SF3A1: variants seen among roughly 807,000 people sequenced by gnomAD.
The protein encoded by SF3A1 is splicing factor 3a subunit 1.
SF3A1 carries 13 observed loss-of-function variants against 89.9 expected under a neutral mutation model. The observed-to-expected ratio is 0.14, with a 90% CI of 0.09 to 0.23. SF3A1 has a LOEUF of 0.23. Ranked by LOEUF, SF3A1 falls within the 10% of genes least tolerant of loss-of-function variation. The pLI, the probability that SF3A1 is intolerant of heterozygous loss-of-function variation, is 1.00. For synonymous variants in SF3A1, 405 were observed against 374.4 expected, an observed-to-expected ratio of 1.08 and a Z score of -0.94; for missense variants, 604 against 1,022.1, an observed-to-expected ratio of 0.59 and a Z score of 5.58.
chr22:30,353,762 A>G (rs796102826), intron 1 of SF3A1, among the ~76,000 whole-genome samples: 1 of 152,046 alleles, frequency 6.6e-6, no homozygotes, highest in African/African-American at 2.4e-5. Flanking sequence ...ACGCTCCCGG[A>G]TGAATAAAAA....
rs984693773 is a variant in SF3A1, at chr22:30,340,460, T to C, written c.1190-79A>G. The C allele has an allele frequency of 4.3e-6, 6 of 1,402,820 alleles. No homozygotes were observed. In the South Asian group the frequency reaches 7.1e-5, roughly 17 times the overall value. The allele number at this position is 1,402,820 out of a possible 1,614,324, so 86.9% of individuals were successfully genotyped here. On this transcript the variant is annotated intron_variant, in intron 8 of 15. Transcript: ENST00000215793. ...AAGAGGGTGGTATTTCATGCGTGCA[T>C]CATTCATCAAGGCATCTATTCAGTG...
intron 2 of SF3A1, among the ~76,000 whole-genome samples, chr22:30,347,451 G>C (rs1279607932): frequency 6.6e-6 from 1 of 152,180 alleles, no homozygotes; most frequent in Non-Finnish European, 1.5e-5. Flanking sequence ...ACCTTCAGAT[G>C]ACAGGGGTGT....
chr22:30,338,458 C>CAAAAAAAAAAAA (rs11442423), intron 11 of SF3A1, among the ~76,000 whole-genome samples: 1 of 119,872 alleles, frequency 8.3e-6, no homozygotes. Context: ...AACTTCATCT[C>CAAAAAAAAAAAA]AAAAAAAAAA....
chr22:30,342,782 G>C lies in SF3A1; in HGVS notation c.726+23C>G, dbSNP rs759963887. On this transcript the variant is annotated intron_variant, in intron 5 of 15. Coordinates refer to ENST00000215793, the MANE Select transcript of SF3A1 (RefSeq NM_005877.6). ...CAGAACCAACCACCAGTAACTGGTT[G>C]CAAGAAATGCTATTCAGTTTACCTG... 5 of 1,487,096 alleles carry C rather than the reference G, an allele frequency of 3.4e-6. No homozygotes were observed. In the East Asian group the frequency reaches 6.8e-5, roughly 20 times the overall value. 92.1% of individuals were successfully genotyped at this position (1,487,096 alleles called of 1,614,324 possible).
At chr22:30,353,536 A>G (rs949075774) in intron 1 of SF3A1, among the ~76,000 whole-genome samples, 2 of 152,218 alleles carry the variant, frequency 1.3e-5, no homozygotes, top group African/African-American at 4.8e-5. Context: ...CCCCTGACCA[A>G]AACTACTGGT....
At chr22:30,344,473 T>C (rs1931357087) in intron 4 of SF3A1, among the ~76,000 whole-genome samples, 1 of 152,232 alleles carries the variant, frequency 6.6e-6, no homozygotes, top group Non-Finnish European at 1.5e-5. Flanking sequence ...ACTTACTAGC[T>C]GACAGACCTT....
At chr22:30,349,492 G>T (rs981472317) in intron 2 of SF3A1, among the ~76,000 whole-genome samples, 4 of 152,058 alleles carry the variant, frequency 2.6e-5, no homozygotes, top group Admixed American at 2.0e-4. Flanking sequence ...ATGCTGGCCA[G>T]GCTGGTCTTG....
rs529683412 is a variant in SF3A1, at chr22:30,341,302, G to T, written c.1071+390C>A. Among the ~76,000 whole-genome samples the T allele has an allele frequency of 3.9e-5, 6 of 152,302 alleles. No individual in the cohort carries two copies. In the East Asian group the frequency reaches 9.6e-4, roughly 24 times the overall value. ...CCTGCTTAGAGGGCCTGGCTTGAAGGGGGTAGGGATGCCTGAAAGGAAGCG... is the reference window on the plus strand; with the variant it reads ...CCTGCTTAGAGGGCCTGGCTTGAAGTGGGTAGGGATGCCTGAAAGGAAGCG... On this transcript the variant is annotated intron_variant, in intron 7 of 15. Transcript: ENST00000215793.
chr22:30,337,829 A>G lies in SF3A1; in HGVS notation c.1812T>C (p.Ser604=). Residue 604 remains serine (S), a synonymous_variant, in exon 12 of 16, where the codon TCT becomes TCC. Transcript: ENST00000215793. The part of the protein sequence containing the change: ...VPVMPRPPMA[S]VVRLPPGSVI... The stretch of plus-strand genomic sequence containing the variant: ...CTGAGCCTGGGGGCAGCCGGACCAC[A>G]GATGCCATTGGGGGCCGGGGCATGA... The G allele has an allele frequency of 1.2e-6, 2 of 1,607,674 alleles. No individual in the cohort carries two copies. Among genetic ancestry groups the G allele is most frequent in the Non-Finnish European group, 1.7e-6 (2 of 1,177,606 alleles).
intron 7 of SF3A1, among the ~76,000 whole-genome samples, chr22:30,341,445 G>A (rs1414414984): frequency 1.3e-5 from 2 of 152,184 alleles, no homozygotes; most frequent in Non-Finnish European, 2.9e-5. Flanking sequence ...CAGGCTGTCC[G>A]GGCCAGGGAG....
chr22:30,340,595 C>T, intron 8 of SF3A1, 100 bp downstream of exon 8: 2 of 866,324 alleles, frequency 2.3e-6, no homozygotes, highest in Non-Finnish European at 3.8e-6. Context: ...TTACAATAAG[C>T]TGCACCTCAA....
chr22:30,346,289 G>A (rs1218384353), intron 3 of SF3A1, 23 bp downstream of exon 3: 1 of 1,499,012 alleles, frequency 6.7e-7, no homozygotes, highest in Admixed American at 1.7e-5. Flanking sequence ...CTGCGTAAGT[G>A]AAGGGGGCAC....
intron 13 of SF3A1, 111 bp downstream of exon 13, chr22:30,336,915 G>A (rs1336246767): frequency 6.3e-6 from 8 of 1,270,120 alleles, no homozygotes; most frequent in Non-Finnish European, 8.0e-6. Flanking sequence ...GCTGACCTAG[G>A]CCCCAGAAGC....
At chr22:30,355,861 G>A (rs931652338) in intron 1 of SF3A1, among the ~76,000 whole-genome samples, 1 of 121,408 alleles carries the variant, frequency 8.2e-6, no homozygotes, top group Non-Finnish European at 1.6e-5. Context: ...AATGATCAGC[G>A]TATGTGTTCA....
At position 30,353,033 on chromosome 22, in the gene SF3A1, G is replaced by A; in HGVS notation, c.103C>T (p.Pro35Ser). The A allele has an allele frequency of 1.2e-6, 2 of 1,614,158 alleles. No homozygotes were observed. Among genetic ancestry groups the A allele is most frequent in the East Asian group, 2.2e-5 (1 of 44,884 alleles). ...EEASSKEDSAPSKPVVGIIYP... is the reference protein window; with the variant it reads ...EEASSKEDSASSKPVVGIIYP... ...ATAATCCCCACAACTGGCTTAGAAGGTGCAGAATCCTCCTTTGAAGATGCT... is the reference window on the plus strand; with the variant it reads ...ATAATCCCCACAACTGGCTTAGAAGATGCAGAATCCTCCTTTGAAGATGCT... The change falls in exon 2 of 16, where the codon CCT becomes TCT. Residue 35 changes from proline to serine, a missense_variant. Pro to Ser is a moderately conservative substitution (Grantham distance 74, BLOSUM62 -1). Transcript: ENST00000215793.
intron 4 of SF3A1, among the ~76,000 whole-genome samples, chr22:30,344,643 A>G (rs987015242): frequency 9.2e-5 from 14 of 152,250 alleles, no homozygotes; most frequent in African/African-American, 3.4e-4. Context: ...ACGGAAATGC[A>G]CTTAAAAGCA....
chr22:30,356,749 A>G lies in SF3A1; in HGVS notation c.44T>C (p.Val15Ala). 6.7e-7 allele frequency: 1 copy of G among 1,492,532 alleles called. No individual in the cohort carries two copies. Among genetic ancestry groups the G allele is most frequent in the Admixed American group, 2.2e-5 (1 of 46,342 alleles). 92.5% of individuals were successfully genotyped at this position (1,492,532 alleles called of 1,614,324 possible). The stretch of plus-strand genomic sequence containing the variant: ...AGGTACCTGTTTGGGCTCCGTGGGC[A>G]CGGGCGGCGGCGGGGGCACCGCCTG... ...PVQAVPPPPP[V>A]PTEPKQPTEE... Residue 15 changes from valine (V) to alanine (A), a missense_variant, in exon 1 of 16, where the codon GTG becomes GCG. Transcript: ENST00000215793.
At chr22:30,352,667 CA>C (rs1569175838) in intron 2 of SF3A1, 4 of 306,866 alleles carry the variant, frequency 1.3e-5, no homozygotes, top group African/African-American at 8.4e-5. Context: ...CACAGACACA[CA>C]CCATCTGTGA....
At chr22:30,339,283 G>A in intron 9 of SF3A1, 32 bp from the exon 10 acceptor site, 1 of 1,611,532 alleles carries the variant, frequency 6.2e-7, no homozygotes, top group Non-Finnish European at 8.5e-7. Context: ...GCAGAGGATA[G>A]AAAGAGAAAA....
Sources: allele counts gnomAD v4.1 joint callset (sites outside exome capture counted in the v4.1 genomes callset), GRCh38; gene constraint gnomAD v4.1.1; transcripts MANE v1.5; gene names NCBI Gene and HGNC (gene_info 2026-07-23, HGNC 2026-07-21).